Variants in IAH1 observed in about 807,000 individuals in gnomAD.
The protein encoded by IAH1 is isoamyl acetate-hydrolyzing esterase 1 homolog.
A neutral mutation model predicts 26.7 loss-of-function variants in IAH1; 24 were observed. That is an observed-to-expected ratio of 0.90 (90% CI 0.65 to 1.26). The LOEUF is 1.26. Ranked by LOEUF, IAH1 falls within the 50% of genes most tolerant of loss-of-function variation. IAH1 has a pLI of 0.00. For missense variants in IAH1, 300 were observed against 299.9 expected, an observed-to-expected ratio of 1.00 and a Z score of 0.00; for synonymous variants, 140 against 118.5, an observed-to-expected ratio of 1.18 and a Z score of -1.18.
At chr2:9,487,833 T>TGTGC (rs1192269311) in intron 5 of IAH1, among the ~76,000 whole-genome samples, 130 of 82,738 alleles carry the variant, frequency 1.6e-3, no homozygotes, top group Middle Eastern at 0.013. Context: ...TGTGTGTGTG[T>TGTGC]GCGCGCGCGC....
chr2:9,489,945 A>C (rs905628838), downstream of IAH1: 1 of 450,522 alleles, frequency 2.2e-6, no homozygotes, highest in Non-Finnish European at 3.9e-6. Flanking sequence ...AAGATATTTT[A>C]AAAACTAAAA....
chr2:9,475,127 T>C, intron 1 of IAH1: 1 of 1,277,098 alleles, frequency 7.8e-7, no homozygotes, highest in Non-Finnish European at 1.0e-6. Flanking sequence ...ACCTTGGAAG[T>C]AAAACGCCTT....
At chr2:9,486,226 C>G (rs1228070802) in intron 5 of IAH1, 1 of 152,212 alleles carries the variant, frequency 6.6e-6, no homozygotes, top group African/African-American at 2.4e-5. Flanking sequence ...AGAGCCTAAG[C>G]AGATCTGGAC....
downstream of IAH1, chr2:9,491,063 C>G (rs372419048): frequency 1.9e-6 from 3 of 1,587,590 alleles, no homozygotes; most frequent in Non-Finnish European, 2.6e-6. Context: ...GGCCTCAGAC[C>G]AGGCGAAGAT....
At chr2:9,510,134 T>TA in the IAH1 span, 51 of 1,614,022 alleles carry the variant, frequency 3.2e-5, no homozygotes, top group Non-Finnish European at 4.2e-5. Context: ...TCAGCTTCCT[T>TA]AAGGATCATG....
chr2:9,482,791 G>C (rs1019412213), intron 4 of IAH1, among the ~76,000 whole-genome samples: 4 of 152,222 alleles, frequency 2.6e-5, no homozygotes, highest in African/African-American at 9.6e-5. Context: ...ACACACCGGA[G>C]GCACAGACAA....
chr2:9,499,011 T>C (rs1662817800), downstream of IAH1, among the ~76,000 whole-genome samples: 1 of 152,144 alleles, frequency 6.6e-6, no homozygotes, highest in Non-Finnish European at 1.5e-5. Flanking sequence ...TTTGATGCAG[T>C]AGATCCAGGG....
chr2:9,492,289 A>G (rs1469264128), downstream of IAH1, among the ~76,000 whole-genome samples: 2 of 152,252 alleles, frequency 1.3e-5, no homozygotes, highest in Non-Finnish European at 2.9e-5. Flanking sequence ...TCGTAAGAAC[A>G]TTTATGAAAA....
chr2:9,503,392 T>TC, the IAH1 span, among the ~76,000 whole-genome samples: 1 of 152,180 alleles, frequency 6.6e-6, no homozygotes, highest in Non-Finnish European at 1.5e-5. Context: ...GTAACCTACT[T>TC]CCTCCACACT....
downstream of IAH1, among the ~76,000 whole-genome samples, chr2:9,499,689 A>C (rs759303749): frequency 9.9e-5 from 15 of 152,180 alleles, no homozygotes; most frequent in Non-Finnish European, 1.5e-4. Flanking sequence ...GGTGTGAGCC[A>C]CTGTGCCGGG....
At chr2:9,484,621 A>G (rs1661372372) in intron 5 of IAH1, 71 bp downstream of exon 5, 1 of 1,021,720 alleles carries the variant, frequency 9.8e-7, no homozygotes, top group Admixed American at 1.9e-5. Context: ...TGTGTGCAGC[A>G]GCTTTCCCTA....
intron 5 of IAH1, chr2:9,486,942 T>C (rs1301574491): frequency 6.6e-6 from 1 of 152,308 alleles, no homozygotes; most frequent in Non-Finnish European, 1.5e-5. Flanking sequence ...AAAATTCTTA[T>C]AGTTCAGGGC....
chr2:9,502,823 G>A, the IAH1 span, among the ~76,000 whole-genome samples: 4 of 143,954 alleles, frequency 2.8e-5, no homozygotes, highest in African/African-American at 5.3e-5. Context: ...AGGTTGCAGT[G>A]AGCCGAGATC....
chr2:9,511,048 C>G, the IAH1 span, among the ~76,000 whole-genome samples: 1 of 152,168 alleles, frequency 6.6e-6, no homozygotes, highest in Admixed American at 6.5e-5. Flanking sequence ...ATGCAATAAG[C>G]TAACTGTAGT....
chr2:9,487,855 G>T (rs540022297), intron 5 of IAH1, among the ~76,000 whole-genome samples: 2 of 149,928 alleles, frequency 1.3e-5, no homozygotes, highest in African/African-American at 2.5e-5. Flanking sequence ...CGCGCGCTGT[G>T]GGGGGAGACA....
chr2:9,510,462 G>A, the IAH1 span, among the ~76,000 whole-genome samples: 6 of 151,898 alleles, frequency 4.0e-5, no homozygotes, highest in South Asian at 2.1e-4. Context: ...TCAGGAGTTC[G>A]AGACCAGCCT....
intron 5 of IAH1, among the ~76,000 whole-genome samples, chr2:9,487,788 TTGTGTGTGTGTGTGTG>T (rs70948823): frequency 6.8e-4 from 91 of 134,032 alleles, no homozygotes; most frequent in African/African-American, 1.8e-3. Context: ...CCCGGCCTTT[TTGTGTGTGTGTGTGTG>T]TGTGTGTGTG....
intron 5 of IAH1, 146 bp from the exon 6 acceptor site, chr2:9,488,000 AT>A: frequency 1.8e-6 from 1 of 553,252 alleles, no homozygotes; most frequent in Admixed American, 3.7e-5. Flanking sequence ...CACCCAGCTA[AT>A]TTTTGTATTT....
downstream of IAH1, among the ~76,000 whole-genome samples, chr2:9,499,789 G>A (rs908797543): frequency 6.6e-5 from 10 of 152,112 alleles, no homozygotes; most frequent in Admixed American, 4.6e-4. Flanking sequence ...CTATGCACAC[G>A]GAAAACCAAA....
Sources: gnomAD v4.1 joint callset for allele counts (sites outside exome capture counted in the v4.1 genomes callset) on GRCh38, gnomAD v4.1.1 for gene constraint, MANE v1.5 for transcripts, NCBI Gene and HGNC (gene_info 2026-07-23, HGNC 2026-07-21) for gene names.